Variants in ARFGAP2 observed in about 807,000 individuals in gnomAD.
ARFGAP2 encodes the protein ADP-ribosylation factor GTPase-activating protein 2.
A neutral mutation model predicts 71.9 loss-of-function variants in ARFGAP2; 45 were observed. The ratio of observed to expected loss-of-function variants is 0.63; its 90% CI spans 0.49 to 0.80. ARFGAP2 has a LOEUF of 0.80. ARFGAP2 is among the 30% of genes least tolerant of loss of function. The probability of loss-of-function intolerance (pLI) is 0.00; values close to 1 mark genes in which losing one functional copy is unlikely to be tolerated. For missense variants in ARFGAP2, 633 were observed against 673.9 expected, an observed-to-expected ratio of 0.94 and a Z score of 0.67; for synonymous variants, 248 against 249.2, an observed-to-expected ratio of 1.00 and a Z score of 0.05.
intron 2 of ARFGAP2, 67 bp from the exon 3 acceptor site, chr11:47,175,990 C>A: frequency 1.3e-6 from 2 of 1,559,938 alleles, no homozygotes; most frequent in Non-Finnish European, 1.8e-6. Context: ...AACCCGGATA[C>A]CTGTCACTTG....
chr11:47,172,272 C>T lies in ARFGAP2; in HGVS notation c.672+9G>A. 1 of 1,614,142 alleles carries T rather than the reference C, an allele frequency of 6.2e-7. No individual in the cohort carries two copies. On this transcript the variant is annotated intron_variant, in intron 8 of 15. Coordinates refer to ENST00000524782, the MANE Select transcript of ARFGAP2 (RefSeq NM_032389.6). ...TAACCCCTCTACCATACCACCTCTC[C>T]CCACCTACCCCTTTCTTAGCTGCTG...
intron 2 of ARFGAP2, 160 bp downstream of exon 2, chr11:47,176,356 A>T: frequency 1.4e-6 from 1 of 703,970 alleles, no homozygotes; most frequent in Non-Finnish European, 2.4e-6. Flanking sequence ...CAAAGGGCCC[A>T]CACAGGTGGT....
At chr11:47,168,491 T>C (rs1261743693) in intron 10 of ARFGAP2, 1 of 422,232 alleles carries the variant, frequency 2.4e-6, no homozygotes, top group African/African-American at 2.0e-5. Context: ...AGGAGTTCCC[T>C]GGCCAGTGAC....
At chr11:47,173,916 C>T (rs951352176) in intron 5 of ARFGAP2, 76 bp from the exon 6 acceptor site, 5 of 1,545,502 alleles carry the variant, frequency 3.2e-6, no homozygotes, top group Non-Finnish European at 4.4e-6. Flanking sequence ...CTACAAGCAC[C>T]TTGTGGACAA....
chr11:47,165,490 A>C lies in ARFGAP2; in HGVS notation c.1558T>G (p.Ser520Ala). 1.3e-6 allele frequency: 2 copies of C among 1,575,658 alleles called. No individual in the cohort carries two copies. Among genetic ancestry groups the C allele is most frequent in the Non-Finnish European group, 1.7e-6 (2 of 1,161,358 alleles). Reference sequence around the variant, plus strand: ...GAGTCACAGAGCTCGGATCAGTAGGAACCGTAGCGATCCTGGGGGCGAGGG... The same window carrying C: ...GAGTCACAGAGCTCGGATCAGTAGGCACCGTAGCGATCCTGGGGGCGAGGG... Reference protein sequence around the residue: ...VMNSLQDRYGSY With the variant: ...VMNSLQDRYGAY The change falls in exon 16 of 16, where the codon TCC (serine) becomes GCC (alanine). Residue 520 changes from serine to alanine, a missense_variant. Transcript: ENST00000524782.
chr11:47,167,107 G>A (rs1350810286), intron 12 of ARFGAP2, among the ~76,000 whole-genome samples: 1 of 152,192 alleles, frequency 6.6e-6, no homozygotes, highest in Non-Finnish European at 1.5e-5. Flanking sequence ...ACTAGGCAGG[G>A]TGGAAATACA....
At chr11:47,166,951 G>A (rs1237708040) in intron 12 of ARFGAP2, 65 bp from the exon 13 acceptor site, 1 of 1,563,364 alleles carries the variant, frequency 6.4e-7, no homozygotes, top group African/African-American at 1.3e-5. Flanking sequence ...AGAGTACAGA[G>A]GCCAAACAGA....
At chr11:47,173,226 G>A in intron 7 of ARFGAP2, 200 bp downstream of exon 7, 2 of 676,244 alleles carry the variant, frequency 3.0e-6, no homozygotes. Context: ...AGCCCACCCA[G>A]ATTCATCAAT....
intron 7 of ARFGAP2, chr11:47,173,053 G>A (rs1410631368): frequency 5.4e-6 from 2 of 372,844 alleles, no homozygotes; most frequent in Non-Finnish European, 1.0e-5. Flanking sequence ...GTCACCTCCA[G>A]CCTTCGGCAG....
chr11:47,175,986 G>A (rs904140359), intron 2 of ARFGAP2, 63 bp from the exon 3 acceptor site: 1 of 1,569,312 alleles, frequency 6.4e-7, no homozygotes, highest in Non-Finnish European at 8.7e-7. Flanking sequence ...TGGCAACCCG[G>A]ATACCTGTCA....
rs1482344452 is a variant in ARFGAP2 at position 47,171,662 on chromosome 11, A to G, written c.809+2T>C. ...CCTGAGGCCCCGGCAGCAAACACTT[A>G]CATGGACTCCTCCGCCTGCTTCTTG... is the stretch of plus-strand genomic sequence containing the variant. On this transcript the variant is annotated splice_donor_variant, in intron 9 of 15. Transcript: ENST00000524782. LOFTEE classifies it high-confidence loss of function. 23 of 1,613,664 alleles carry G rather than the reference A, an allele frequency of 1.4e-5. No individual in the cohort carries two copies. The highest frequency in any genetic ancestry group is 1.9e-5 in the Non-Finnish European group (23 of 1,180,020).
rs372507350 is a variant in ARFGAP2 at position 47,171,810 on chromosome 11, G to C, written c.673-10C>G. The C allele has an allele frequency of 8.1e-6, 13 of 1,613,170 alleles. No individual in the cohort carries two copies. The African/African-American group carries it at 1.6e-4, about 20-fold the overall frequency. Reference sequence around the variant, plus strand: ...CTTTCTTGGCACCCAGCTGGGAACAGAATCATGTAAGGGGCCTTCCCAATC... The same window carrying C: ...CTTTCTTGGCACCCAGCTGGGAACACAATCATGTAAGGGGCCTTCCCAATC... On this transcript the variant is annotated splice_polypyrimidine_tract_variant and intron_variant, in intron 8 of 15. Coordinates refer to ENST00000524782, the MANE Select transcript of ARFGAP2 (RefSeq NM_032389.6).
At chr11:47,165,554 C>T (rs1318848206) in intron 15 of ARFGAP2, 52 bp from the exon 16 acceptor site, 2 of 1,515,850 alleles carry the variant, frequency 1.3e-6, no homozygotes, top group Non-Finnish European at 1.8e-6. Context: ...CTCTAAGCTG[C>T]AGCAGCTTCC....
chr11:47,165,387 C>A lies in ARFGAP2; in HGVS notation c.*95G>T. ...ACACCACACATACGAAGTAACAAATCCTCCCCAGCTTCCACAAGGCAAAGC... is the reference window on the plus strand; with the variant it reads ...ACACCACACATACGAAGTAACAAATACTCCCCAGCTTCCACAAGGCAAAGC... On this transcript the variant is annotated 3_prime_UTR_variant, in exon 16 of 16. Coordinates refer to ENST00000524782, the MANE Select transcript of ARFGAP2 (RefSeq NM_032389.6). 1 of 1,477,626 alleles carries A rather than the reference C, an allele frequency of 6.8e-7. No individual in the cohort carries two copies. The highest frequency in any genetic ancestry group is 9.1e-7 in the Non-Finnish European group (1 of 1,098,938). The allele number at this position is 1,477,626 out of a possible 1,614,324, so 91.5% of individuals were successfully genotyped here. A position where few individuals can be genotyped will look rare whatever the true frequency, so the allele number is the denominator to read the frequency against.
Position 47,176,529 on chromosome 11 carries a change from G to A in ARFGAP2, c.178C>T (p.Leu60=), listed in dbSNP as rs986919143. The change falls in exon 2 of 16, where the codon CTG becomes TTG. Residue 60 remains leucine, a synonymous_variant. Coordinates refer to ENST00000524782, the MANE Select transcript of ARFGAP2 (RefSeq NM_032389.6). ...CGGAGAGCCTACCTGATGAAGCTCA[G>A]ATGGACGCCCAGGGAGCGGTGCACC... ...SGVHRSLGVH[L]SFIRSTELDS... 1 of 1,613,642 alleles carries A rather than the reference G, an allele frequency of 6.2e-7. No individual in the cohort carries two copies. The highest frequency in any genetic ancestry group is 1.7e-5 in the Admixed American group (1 of 60,028).
At chr11:47,176,455 T>C in intron 2 of ARFGAP2, 61 bp downstream of exon 2, 1 of 1,510,284 alleles carries the variant, frequency 6.6e-7, no homozygotes, top group Non-Finnish European at 9.2e-7. Flanking sequence ...CCACTCTCCC[T>C]TGTTGCCCAG....
chr11:47,173,640 G>A (rs937123708), intron 6 of ARFGAP2, 119 bp downstream of exon 6: 5 of 1,428,666 alleles, frequency 3.5e-6, no homozygotes, highest in Non-Finnish European at 3.8e-6. Flanking sequence ...AATGAATCCC[G>A]GCCCACCCAA....
rs776697745 is a variant in ARFGAP2 at position 47,175,302 on chromosome 11, A to G, written c.276T>C (p.Phe92=). ...CATTGGCTGTGCATCCATGTTGGCGAAAAAAAGCCGTCTGGAGAGCAAAGA... is the reference window on the plus strand; with the variant it reads ...CATTGGCTGTGCATCCATGTTGGCGGAAAAAAGCCGTCTGGAGAGCAAAGA... ...VGGNANATAF[F]RQHGCTANDA... is the part of the protein sequence containing the mutation. Residue 92 remains phenylalanine, a synonymous_variant, in exon 4 of 16, where the codon TTT becomes TTC. Coordinates refer to ENST00000524782, the MANE Select transcript of ARFGAP2 (RefSeq NM_032389.6). 78 of 1,613,728 alleles carry G rather than the reference A, an allele frequency of 4.8e-5. No individual in the cohort carries two copies. The highest frequency in any genetic ancestry group is 2.4e-4 in the South Asian group (22 of 91,056).
In ARFGAP2 at chr11:47,171,950, T is replaced by C. The variant is rs187958534; in HGVS notation, c.673-150A>G. On this transcript the variant is annotated intron_variant, in intron 8 of 15. Coordinates refer to ENST00000524782, the MANE Select transcript of ARFGAP2 (RefSeq NM_032389.6). ...AGCCCAACCAGCATGGCCAAGACAA[T>C]AGTGCTCCGCTGGAGCTGGGCATGG... 2.0e-4 allele frequency: 243 copies of C among 1,188,064 alleles called. No homozygotes were observed. In the African/African-American group the frequency reaches 3.1e-3, roughly 15 times the overall value. 73.6% of individuals were successfully genotyped at this position (1,188,064 alleles called of 1,614,324 possible).
Sources: gnomAD v4.1 joint callset for allele counts (sites outside exome capture counted in the v4.1 genomes callset) on GRCh38, gnomAD v4.1.1 for gene constraint, MANE v1.5 for transcripts, NCBI Gene and HGNC (gene_info 2026-07-23, HGNC 2026-07-21) for gene names.